The following ATRN variants were observed in gnomAD, a reference collection of about 807,000 sequenced individuals.
ATRN encodes the protein attractin.
ATRN carries 54 observed loss-of-function variants against 178.7 expected under a neutral mutation model. That is an observed-to-expected ratio of 0.30 (90% confidence interval 0.24 to 0.38). The LOEUF is 0.38. Ranked by LOEUF, ATRN falls within the 10% of genes least tolerant of loss-of-function variation. The pLI is 1.00. For synonymous variants in ATRN, 636 were observed against 663.0 expected (o/e 0.96, Z 0.63); for missense variants, 1,443 against 1,815.1 (o/e 0.79, Z 3.73).
In ATRN at chr20:3,562,292, T is replaced by A; in HGVS notation, c.1464T>A (p.Ser488Arg). 1 of 1,613,198 alleles carries A rather than the reference T, an allele frequency of 6.2e-7. No individual in the cohort carries two copies. The highest frequency in any genetic ancestry group is 8.5e-7 in the Non-Finnish European group (1 of 1,179,598). The stretch of plus-strand genomic sequence containing the variant: ...CCTTTCCAGATAAGAACACATGGAG[T>A]ATATTACACACCCAGGGTGCCCTTG... ...QEYDLDKNTW[S>R]ILHTQGALVQ... Residue 488 changes from serine to arginine, a missense_variant, in exon 9 of 29, where the codon AGT becomes AGA. This residue lies in a region of ATRN where 862 missense variants were observed against 972.1 expected (regional missense o/e 0.89). Transcript: ENST00000262919.
chr20:3,630,434 A>C (rs1394362418), intron 25 of ATRN, among the ~76,000 whole-genome samples: 1 of 152,136 alleles, frequency 6.6e-6, no homozygotes, highest in East Asian at 1.9e-4. Context: ...TCTTCAGGGT[A>C]AGTGCAGAGT....
At chr20:3,488,805 A>C (rs1367390379) in intron 1 of ATRN, among the ~76,000 whole-genome samples, 1 of 152,208 alleles carries the variant, frequency 6.6e-6, no homozygotes, top group Non-Finnish European at 1.5e-5. Context: ...GTTTGGAGTG[A>C]ATTGACAGCT....
intron 27 of ATRN, among the ~76,000 whole-genome samples, chr20:3,639,751 T>C (rs235553): frequency 0.15 from 22,556 of 152,114 alleles, 1,800 homozygotes; most frequent in Non-Finnish European, 0.18. Flanking sequence ...AACATACTTA[T>C]TTAAAATGTT....
At chr20:3,472,220 G>T (rs1417279165) in intron 1 of ATRN, among the ~76,000 whole-genome samples, 1 of 152,162 alleles carries the variant, frequency 6.6e-6, no homozygotes, top group African/African-American at 2.4e-5. Flanking sequence ...TCCTCTTGGA[G>T]AAATCAATAA....
chr20:3,507,319 G>T (rs1487323032), intron 1 of ATRN, among the ~76,000 whole-genome samples: 3 of 150,748 alleles, frequency 2.0e-5, no homozygotes, highest in Non-Finnish European at 2.9e-5. Flanking sequence ...CTGAGGCAGA[G>T]AATTGTTTAA....
In ATRN at chr20:3,525,863, A is replaced by G. The variant is rs569402440; in HGVS notation, c.411-9390A>G. Reference sequence around the variant, plus strand: ...TAAAATTCAACAGCTCTTCATGCTAAAAACTCTAAATAAACTAGGTATTGG... The same window carrying G: ...TAAAATTCAACAGCTCTTCATGCTAGAAACTCTAAATAAACTAGGTATTGG... On this transcript the variant is annotated intron_variant, in intron 1 of 28. Coordinates refer to ENST00000262919, the MANE Select transcript of ATRN (RefSeq NM_139321.3). Among the ~76,000 whole-genome samples the G allele has an allele frequency of 2.6e-5, 4 of 152,340 alleles. No homozygotes were observed. In the East Asian group the frequency reaches 7.7e-4, roughly 29 times the overall value.
intron 27 of ATRN, among the ~76,000 whole-genome samples, chr20:3,641,378 G>A (rs546899162): frequency 3.3e-5 from 5 of 151,910 alleles, no homozygotes; most frequent in Non-Finnish European, 7.4e-5. Context: ...ATCACTTGAG[G>A]TCAGGAGTTC....
intron 24 of ATRN, among the ~76,000 whole-genome samples, chr20:3,609,704 GTATGTA>G (rs1377374214): frequency 3.1e-4 from 37 of 119,292 alleles, no homozygotes; most frequent in African/African-American, 1.2e-3. Context: ...ACAAAATGTG[GTATGTA>G]TGTATGTGTG....
rs629319 is a variant in ATRN at position 3,616,371 on chromosome 20, C to T, written c.3802-8140C>T. 8.2e-3 allele frequency among the ~76,000 whole-genome samples: 1,252 copies of T among 152,134 alleles called. 5 individuals carry two copies. Among genetic ancestry groups the T allele is most frequent in the African/African-American group, 0.017 (691 of 41,522 alleles). On this transcript the variant is annotated intron_variant, in intron 24 of 28. Transcript: ENST00000262919. ...GACAGCAGGCACCTCGTTAGAAGCT[C>T]GGTGTTGGAGGTGTGCCCATGCATT...
In ATRN at chr20:3,647,419, A is replaced by G. The variant is rs894347098; in HGVS notation, c.*572A>G. ...ATGGTCCATCTCTTTTGATCATATC[A>G]AGCTAGGATAGAAGGGGGGCTATTT... On this transcript the variant is annotated 3_prime_UTR_variant, in exon 29 of 29. Coordinates refer to ENST00000262919, the MANE Select transcript of ATRN (RefSeq NM_139321.3). The G allele has an allele frequency of 2.6e-5, 4 of 152,708 alleles. No homozygotes were observed. The highest frequency in any genetic ancestry group is 9.7e-5 in the African/African-American group (4 of 41,440). 9.5% of individuals were successfully genotyped at this position (152,708 alleles called of 1,614,324 possible).
Position 3,507,276 on chromosome 20 carries a change from G to C in ATRN, c.411-27977G>C, listed in dbSNP as rs555236726. On this transcript the variant is annotated intron_variant, in intron 1 of 28. Transcript: ENST00000262919. ...CAAAAAAAATTTAGCCGGGCATGGT[G>C]GTGGGTGCCTGTAATCCCAGCTACT... Among the ~76,000 whole-genome samples, 9 of 152,002 alleles carry C rather than the reference G, an allele frequency of 5.9e-5. No homozygotes were observed. The South Asian group carries it at 1.3e-3, about 21-fold the overall frequency.
At chr20:3,514,051 A>T (rs1161962762) in intron 1 of ATRN, among the ~76,000 whole-genome samples, 1 of 152,170 alleles carries the variant, frequency 6.6e-6, no homozygotes, top group African/African-American at 2.4e-5. Flanking sequence ...CCCCAGTGAG[A>T]TGAACCTGGT....
At chr20:3,552,543 C>T (rs142571208) in intron 6 of ATRN, among the ~76,000 whole-genome samples, 1 of 152,308 alleles carries the variant, frequency 6.6e-6, no homozygotes, top group East Asian at 1.9e-4. Context: ...TATGAGTTAT[C>T]TCATGCTACA....
At chr20:3,639,211 T>G (rs950607777) in intron 27 of ATRN, among the ~76,000 whole-genome samples, 37 of 152,174 alleles carry the variant, frequency 2.4e-4, no homozygotes, top group African/African-American at 8.7e-4. Context: ...CATACAAAAC[T>G]TTTATTTGAA....
At chr20:3,640,254 C>T (rs1213125687) in intron 27 of ATRN, among the ~76,000 whole-genome samples, 1 of 152,084 alleles carries the variant, frequency 6.6e-6, no homozygotes, top group Non-Finnish European at 1.5e-5. Context: ...TGTTAAATAG[C>T]ATATCAGACA....
chr20:3,618,003 A>G (rs1256793601), intron 24 of ATRN, among the ~76,000 whole-genome samples: 1 of 152,216 alleles, frequency 6.6e-6, no homozygotes, highest in Non-Finnish European at 1.5e-5. Context: ...CAGGTGCATC[A>G]GGGTCTGAGG....
At position 3,632,977 on chromosome 20, in the gene ATRN, A is replaced by G. The variant is rs2087000000; in HGVS notation, c.3864-1334A>G. Reference sequence around the variant, plus strand: ...AAACCTCGTCTCCACTAAAAATACAAAAATTAGCTGGGTGTGATGGCGCAC... The same window carrying G: ...AAACCTCGTCTCCACTAAAAATACAGAAATTAGCTGGGTGTGATGGCGCAC... On this transcript the variant is annotated intron_variant, in intron 25 of 28. Transcript: ENST00000262919. This position sits in a 1 kb window ranked among gnomAD's most constrained non-coding sequence, Gnocchi z 4.2. Among the ~76,000 whole-genome samples the G allele has an allele frequency of 1.3e-5, 2 of 152,196 alleles. No homozygotes were observed. The highest frequency in any genetic ancestry group is 4.1e-4 in the South Asian group (2 of 4,830).
At chr20:3,541,076 A>ATTTTTTTTTTTTTT (rs1331876349) in intron 3 of ATRN, among the ~76,000 whole-genome samples, 5 of 119,044 alleles carry the variant, frequency 4.2e-5, no homozygotes, top group African/African-American at 6.0e-5. Context: ...ATGATAGAGG[A>ATTTTTTTTTTTTTT]TTTTTTTTTT....
At chr20:3,569,818 C>A (rs1275355518) in intron 11 of ATRN, among the ~76,000 whole-genome samples, 1 of 152,160 alleles carries the variant, frequency 6.6e-6, no homozygotes, top group African/African-American at 2.4e-5. Context: ...CGCCTGTAAT[C>A]CCAGCGCTTT....
Sources: gnomAD v4.1 joint callset for allele counts (sites outside exome capture counted in the v4.1 genomes callset) on GRCh38, gnomAD v4.1.1 for gene constraint, gnomAD v4.1.1 regional missense constraint, Gnocchi (gnomAD v3.1) non-coding constraint, MANE v1.5 for transcripts, NCBI Gene and HGNC (gene_info 2026-07-23, HGNC 2026-07-21) for gene names.